ANKRD45: variants seen among roughly 807,000 people sequenced by gnomAD.
ANKRD45 encodes the protein ankyrin repeat domain 45.
In ANKRD45, 21 loss-of-function variants were observed where a neutral mutation model predicts 28.1. That is an observed-to-expected ratio of 0.75 (90% confidence interval 0.53 to 1.08). ANKRD45 has a LOEUF of 1.08. Among genes scored for constraint, ANKRD45 ranks in the 50% least tolerant of loss-of-function variants. The pLI is 0.00. For missense variants in ANKRD45, 261 were observed against 308.7 expected, an observed-to-expected ratio of 0.85 and a Z score of 1.16; for synonymous variants, 86 against 103.9, an observed-to-expected ratio of 0.83 and a Z score of 1.05.
chr1:173,686,130 C>T, the ANKRD45 span, among the ~76,000 whole-genome samples: 100 of 152,198 alleles, frequency 6.6e-4, no homozygotes, highest in Non-Finnish European at 1.4e-3. Context: ...TGAGGAGAGT[C>T]AGGAGGGACA....
chr1:173,613,772 C>T (rs766623552), intron 5 of ANKRD45, among the ~76,000 whole-genome samples: 3 of 152,190 alleles, frequency 2.0e-5, no homozygotes, highest in Non-Finnish European at 4.4e-5. Context: ...GGAGGTGTAC[C>T]CAACAGCTCA....
chr1:173,627,220 G>T, intron 3 of ANKRD45, 61 bp from the exon 4 acceptor site: 1 of 1,156,198 alleles, frequency 8.6e-7, no homozygotes. Context: ...AAGCAAGATA[G>T]TCAAATGGAA....
intron 4 of ANKRD45, among the ~76,000 whole-genome samples, 159 bp from the exon 5 acceptor site, chr1:173,625,084 T>C (rs1282946190): frequency 6.6e-6 from 1 of 152,220 alleles, no homozygotes; most frequent in Non-Finnish European, 1.5e-5. Context: ...TAAATAGCTA[T>C]TGAGCACTAG....
At chr1:173,691,343 C>T in the ANKRD45 span, among the ~76,000 whole-genome samples, 1 of 152,202 alleles carries the variant, frequency 6.6e-6, no homozygotes, top group Non-Finnish European at 1.5e-5. Context: ...CGGGGCACAC[C>T]TCCTCACGAG....
chr1:173,712,101 A>G, the ANKRD45 span, among the ~76,000 whole-genome samples: 25 of 152,240 alleles, frequency 1.6e-4, no homozygotes, highest in Non-Finnish European at 3.5e-4. Flanking sequence ...ACAATAAGCA[A>G]TTCACAGAAG....
the ANKRD45 span, among the ~76,000 whole-genome samples, chr1:173,682,684 T>TACACACACACACAC: frequency 0.012 from 1,764 of 143,992 alleles, 36 homozygotes; most frequent in African/African-American, 0.044. Flanking sequence ...GCCTTTTAAA[T>TACACACACACACAC]ACACACACAC....
chr1:173,680,126 T>C, the ANKRD45 span, among the ~76,000 whole-genome samples: 2 of 152,232 alleles, frequency 1.3e-5, no homozygotes, highest in African/African-American at 4.8e-5. Flanking sequence ...CGGAAGACAG[T>C]GTGGCAATTC....
At chr1:173,629,259 A>T (rs1668079020) in intron 3 of ANKRD45, among the ~76,000 whole-genome samples, 1 of 152,378 alleles carries the variant, frequency 6.6e-6, no homozygotes, top group African/African-American at 2.4e-5. Flanking sequence ...GACATCCACA[A>T]GCAAGAAGGT....
intron 3 of ANKRD45, among the ~76,000 whole-genome samples, chr1:173,641,789 A>G (rs746277938): frequency 6.6e-6 from 1 of 152,232 alleles, no homozygotes; most frequent in Non-Finnish European, 1.5e-5. Context: ...GGAGTGCCAG[A>G]TAAGTTTAAA....
chr1:173,710,160 A>G, the ANKRD45 span, among the ~76,000 whole-genome samples: 5 of 152,168 alleles, frequency 3.3e-5, no homozygotes, highest in African/African-American at 1.2e-4. Context: ...ACTCGTCTCT[A>G]CAAAACAAAC....
At chr1:173,664,067 G>A (rs1172162717) in intron 1 of ANKRD45, among the ~76,000 whole-genome samples, 2 of 151,996 alleles carry the variant, frequency 1.3e-5, no homozygotes. Flanking sequence ...CCACTAAATG[G>A]GATACAACCC....
intron 5 of ANKRD45, among the ~76,000 whole-genome samples, chr1:173,612,980 A>G (rs4394692): frequency 0.97 from 147,912 of 151,914 alleles, 72,039 homozygotes; most frequent in East Asian, 1. Context: ...GCCTCCCAAA[A>G]TGCCGAGATT....
At chr1:173,638,119 C>T (rs531156074) in intron 3 of ANKRD45, among the ~76,000 whole-genome samples, 94 of 135,362 alleles carry the variant, frequency 6.9e-4, no homozygotes, top group African/African-American at 2.2e-3. Flanking sequence ...TGTGTGTGAA[C>T]GACTACCAGT....
the ANKRD45 span, among the ~76,000 whole-genome samples, chr1:173,713,839 G>A: frequency 1.3e-5 from 2 of 152,024 alleles, no homozygotes; most frequent in African/African-American, 2.4e-5. Flanking sequence ...CCAGGAGGCC[G>A]ATTTGAGTAA....
At chr1:173,691,674 C>T in the ANKRD45 span, among the ~76,000 whole-genome samples, 2 of 152,104 alleles carry the variant, frequency 1.3e-5, no homozygotes, top group East Asian at 3.9e-4. Flanking sequence ...GTAGTCCCAG[C>T]TACTTGGGAG....
At chr1:173,612,754 C>T (rs12164492) in intron 5 of ANKRD45, 1 of 155,902 alleles carries the variant, frequency 6.4e-6, no homozygotes, top group African/African-American at 2.4e-5. Context: ...CCACGCCTGA[C>T]TGGTTTTCGT....
chr1:173,629,014 A>G (rs1373071460), intron 3 of ANKRD45, among the ~76,000 whole-genome samples: 1 of 152,258 alleles, frequency 6.6e-6, no homozygotes, highest in Non-Finnish European at 1.5e-5. Flanking sequence ...GCATTTTCCC[A>G]CATCTTACCC....
intron 2 of ANKRD45, among the ~76,000 whole-genome samples, chr1:173,647,329 C>T (rs1482316164): frequency 6.6e-6 from 1 of 152,180 alleles, no homozygotes; most frequent in Non-Finnish European, 1.5e-5. Flanking sequence ...TCTTCAACAT[C>T]ATGGGAGGAA....
At chr1:173,624,987 A>G in intron 4 of ANKRD45, 62 bp from the exon 5 acceptor site, 1 of 1,545,796 alleles carries the variant, frequency 6.5e-7, no homozygotes, top group Non-Finnish European at 8.8e-7. Context: ...ACTCAACAGT[A>G]TCTCTAAACC....
Sources: gnomAD v4.1 joint callset for allele counts (sites outside exome capture counted in the v4.1 genomes callset) on GRCh38, gnomAD v4.1.1 for gene constraint, MANE v1.5 for transcripts, NCBI Gene and HGNC (gene_info 2026-07-23, HGNC 2026-07-21) for gene names.